Variants in IQGAP2 observed in about 807,000 individuals in gnomAD.
IQGAP2 encodes ras GTPase-activating-like protein IQGAP2.
Under a neutral mutation model 201.3 loss-of-function variants are expected in IQGAP2, and 173 were observed. The observed-to-expected ratio is 0.86, with a 90% CI of 0.76 to 0.98. The LOEUF (loss-of-function observed/expected upper bound fraction) is 0.98, where lower values mean the gene tolerates loss of function less well. Ranked by LOEUF, IQGAP2 falls within the 50% of genes least tolerant of loss-of-function variation. The pLI is 0.00. For synonymous variants in IQGAP2, 675 were observed against 673.9 expected (o/e 1.00, Z -0.03); for missense variants, 1,687 against 1,864.8 (o/e 0.90, Z 1.76).
chr5:76,573,145 A>G (rs1048855027), intron 4 of IQGAP2, among the ~76,000 whole-genome samples: 26 of 152,252 alleles, frequency 1.7e-4, no homozygotes, highest in African/African-American at 5.3e-4. Flanking sequence ...ACGAATTTAA[A>G]CAGAATTGTT....
chr5:76,636,914 C>T, intron 15 of IQGAP2, 120 bp from the exon 16 acceptor site: 1 of 772,454 alleles, frequency 1.3e-6, no homozygotes, highest in Non-Finnish European at 1.9e-6. Context: ...CTTCTGATGC[C>T]TTTGGCTGTC....
chr5:76,424,211 C>A (rs1751877826), intron 1 of IQGAP2, among the ~76,000 whole-genome samples: 1 of 152,184 alleles, frequency 6.6e-6, no homozygotes, highest in African/African-American at 2.4e-5. Flanking sequence ...TTCCCCCCTG[C>A]TTTCATTGTC....
chr5:76,622,194 C>T (rs1749761868), intron 13 of IQGAP2, among the ~76,000 whole-genome samples: 1 of 152,126 alleles, frequency 6.6e-6, no homozygotes, highest in African/African-American at 2.4e-5. Context: ...TCCATCAAAC[C>T]CTATTAGCGT....
chr5:76,606,125 G>GGAACGAA (rs1468687993), intron 11 of IQGAP2, 54 bp from the exon 12 acceptor site: 1 of 1,489,728 alleles, frequency 6.7e-7, no homozygotes, highest in African/African-American at 1.4e-5. Flanking sequence ...AGAAACAACA[G>GGAACGAA]GAACGAAGAA....
Position 76,631,952 on chromosome 5 carries a change from A to G in IQGAP2, c.1706A>G (p.Asn569Ser). The G allele has an allele frequency of 1.9e-6, 3 of 1,612,980 alleles. No individual in the cohort carries two copies. Among genetic ancestry groups the G allele is most frequent in the Non-Finnish European group, 2.5e-6 (3 of 1,179,270 alleles). The change falls in exon 15 of 36, where the codon AAT becomes AGT. Residue 569 changes from asparagine (N) to serine (S), a missense_variant. By Grantham distance (46) the Asn-to-Ser change is conservative. Coordinates refer to ENST00000274364, the MANE Select transcript of IQGAP2 (RefSeq NM_006633.5). ...SVLKSSTSNA[N>S]DIIPECADKY... is the part of the protein sequence containing the mutation. Reference sequence around the variant, plus strand: ...TTGAAGTCTTCCACTTCTAATGCAAATGACATAATCCCGGAGTGTGCTGAC... The same window carrying G: ...TTGAAGTCTTCCACTTCTAATGCAAGTGACATAATCCCGGAGTGTGCTGAC...
At chr5:76,588,522 A>C (rs1217331147) in intron 5 of IQGAP2, among the ~76,000 whole-genome samples, 1 of 152,250 alleles carries the variant, frequency 6.6e-6, no homozygotes, top group Admixed American at 6.5e-5. Flanking sequence ...GCAAAATATA[A>C]TTCATGCTGT....
intron 1 of IQGAP2, among the ~76,000 whole-genome samples, chr5:76,411,216 C>T (rs146402853): frequency 1.3e-5 from 2 of 152,236 alleles, no homozygotes; most frequent in Admixed American, 1.3e-4. Flanking sequence ...AGTTACTCTT[C>T]ACAGTGCTTG....
chr5:76,619,518 T>C (rs1330373292), intron 13 of IQGAP2, among the ~76,000 whole-genome samples: 35 of 146,052 alleles, frequency 2.4e-4, no homozygotes, highest in African/African-American at 7.6e-4. Flanking sequence ...GATCTTCTTT[T>C]TTTTTTTTTT....
chr5:76,653,010 G>A (rs1752640976), intron 18 of IQGAP2, among the ~76,000 whole-genome samples, 177 bp downstream of exon 18: 1 of 152,180 alleles, frequency 6.6e-6, no homozygotes, highest in South Asian at 2.1e-4. Flanking sequence ...TTTCAAGCAG[G>A]TTGGTTAAAC....
At chr5:76,442,765 T>C (rs756770269) in intron 1 of IQGAP2, among the ~76,000 whole-genome samples, 16 of 152,158 alleles carry the variant, frequency 1.1e-4, no homozygotes, top group Non-Finnish European at 2.2e-4. Context: ...GGTGGACATA[T>C]CACTTGAGAT....
At chr5:76,686,683 G>C (rs1036770162) in intron 30 of IQGAP2, among the ~76,000 whole-genome samples, 1 of 151,970 alleles carries the variant, frequency 6.6e-6, no homozygotes, top group African/African-American at 2.4e-5. Context: ...CTAATTTTTT[G>C]TGTTTTTAGT....
chr5:76,658,195 TGA>T (rs1011889104), intron 20 of IQGAP2, among the ~76,000 whole-genome samples: 1 of 152,100 alleles, frequency 6.6e-6, no homozygotes, highest in African/African-American at 2.4e-5. Context: ...GGGAACAGTG[TGA>T]GAGAGAGCTG....
rs370984652 is a variant in IQGAP2 at position 76,683,093 on chromosome 5, G to A, written c.3661-22G>A. On this transcript the variant is annotated intron_variant, in intron 28 of 35. Coordinates refer to ENST00000274364, the MANE Select transcript of IQGAP2 (RefSeq NM_006633.5). ...TGAGAATTTACTTTTTTCTTTGTGT[G>A]TGTGTTGCTTTCTACATAAAGCTCC... 1.6e-4 allele frequency: 227 copies of A among 1,453,852 alleles called. 1 individual carries two copies. In the African/African-American group the frequency reaches 2.8e-3, roughly 18 times the overall value. The allele number at this position is 1,453,852 out of a possible 1,614,324, so 90.1% of individuals were successfully genotyped here.
At chr5:76,526,326 A>G (rs1232749707) in intron 2 of IQGAP2, among the ~76,000 whole-genome samples, 1 of 152,198 alleles carries the variant, frequency 6.6e-6, no homozygotes, top group East Asian at 1.9e-4. Flanking sequence ...GACACTTGCT[A>G]CACTTGCTGA....
chr5:76,673,781 C>T (rs1484948362), intron 25 of IQGAP2, 171 bp from the exon 26 acceptor site: 31 of 689,888 alleles, frequency 4.5e-5, no homozygotes, highest in Middle Eastern at 3.0e-4. Context: ...GTAGCAAACA[C>T]AGCTCAGTTA....
At chr5:76,502,040 G>T (rs1041626349) in intron 2 of IQGAP2, among the ~76,000 whole-genome samples, 1 of 152,176 alleles carries the variant, frequency 6.6e-6, no homozygotes, top group Non-Finnish European at 1.5e-5. Flanking sequence ...TGCCCATGAA[G>T]ACGTGGCCCT....
At chr5:76,567,910 T>G (rs1744864898) in intron 3 of IQGAP2, among the ~76,000 whole-genome samples, 1 of 152,046 alleles carries the variant, frequency 6.6e-6, no homozygotes, top group Non-Finnish European at 1.5e-5. Context: ...CTTCCTGGTC[T>G]AATACCTGAA....
chr5:76,606,738 A>T (rs1272344595), intron 12 of IQGAP2: 1 of 152,348 alleles, frequency 6.6e-6, no homozygotes, highest in Non-Finnish European at 1.5e-5. Flanking sequence ...ATCACAAATC[A>T]TGGTGATTTG....
chr5:76,629,140 G>A (rs931878923), intron 14 of IQGAP2, among the ~76,000 whole-genome samples: 16 of 152,110 alleles, frequency 1.1e-4, no homozygotes, highest in Non-Finnish European at 2.1e-4. Flanking sequence ...ACTCTGTATT[G>A]CACATCTAAA....
Sources: gnomAD v4.1 joint callset for allele counts (sites outside exome capture counted in the v4.1 genomes callset) on GRCh38, gnomAD v4.1.1 for gene constraint, MANE v1.5 for transcripts, NCBI Gene and HGNC (gene_info 2026-07-23, HGNC 2026-07-21) for gene names.